The following WASF2 variants were observed in gnomAD, a reference collection of about 807,000 sequenced individuals.
WASF2 encodes actin-binding protein WASF2.
A neutral mutation model predicts 45.0 loss-of-function variants in WASF2; 14 were observed. That is an observed-to-expected ratio of 0.31 (90% CI 0.21 to 0.49). The LOEUF is 0.49. Among genes scored for constraint, WASF2 ranks in the 20% least tolerant of loss-of-function variants. WASF2 has a pLI of 0.99. For synonymous variants in WASF2, 200 were observed against 236.3 expected (o/e 0.85, Z 1.41); for missense variants, 439 against 636.1 (o/e 0.69, Z 3.33).
At chr1:27,481,777 C>G (rs1160111754) in intron 1 of WASF2, among the ~76,000 whole-genome samples, 1 of 152,060 alleles carries the variant, frequency 6.6e-6, no homozygotes, top group African/African-American at 2.4e-5. Context: ...TGGAATTAAT[C>G]TTACAGCTGA....
chr1:27,466,933 G>A (rs1281520663), intron 1 of WASF2, among the ~76,000 whole-genome samples: 1 of 151,938 alleles, frequency 6.6e-6, no homozygotes, highest in Non-Finnish European at 1.5e-5. Flanking sequence ...GACTTTTCAG[G>A]CTGGGGTGCG....
Position 27,408,214 on chromosome 1 carries a change from A to G in WASF2, c.1472T>C (p.Phe491Ser). The stretch of plus-strand genomic sequence containing the variant: ...TTAATCGGACCAGTCGTCCTCATCA[A>G]ATTCAGAGGAGTCATCTTCTGAGTC... ...YSDSEDDSSE[F>S]DEDDWSD Residue 491 changes from phenylalanine (F) to serine (S), a missense_variant, in exon 9 of 9, where the codon TTT becomes TCT. Physicochemically the swap from Phe to Ser is radical, Grantham distance 155. This residue lies in a region of WASF2 where 286 missense variants were observed against 373.5 expected (regional missense o/e 0.77). Transcript: ENST00000618852. 6.2e-7 allele frequency: 1 copy of G among 1,614,100 alleles called. No homozygotes were observed. Among genetic ancestry groups the G allele is most frequent in the Non-Finnish European group, 8.5e-7 (1 of 1,179,954 alleles).
At position 27,408,339 on chromosome 1, in the gene WASF2, C is replaced by T. The variant is rs1347445169; in HGVS notation, c.1347G>A (p.Gln449=). The change falls in exon 9 of 9, where the codon CAG becomes CAA. Residue 449 remains glutamine (Q), a synonymous_variant. Coordinates refer to ENST00000618852, the MANE Select transcript of WASF2 (RefSeq NM_006990.5). ...DLLSAIRQGF[Q]LRRVEEQREQ... The stretch of plus-strand genomic sequence containing the variant: ...CCCGCTGCTCCTCAACCCTGCGCAG[C>T]TGAAAACCTAGTGGCAAAGAGACAG... The T allele has an allele frequency of 6.2e-7, 1 of 1,614,082 alleles. No individual in the cohort carries two copies. The highest frequency in any genetic ancestry group is 8.5e-7 in the Non-Finnish European group (1 of 1,180,032).
At chr1:27,445,847 T>C (rs1392049277) in intron 1 of WASF2, among the ~76,000 whole-genome samples, 1 of 151,978 alleles carries the variant, frequency 6.6e-6, no homozygotes, top group Non-Finnish European at 1.5e-5. Flanking sequence ...GGACTTTTTT[T>C]TTTTTTTTAA....
Position 27,406,035 on chromosome 1 carries a change from G to A in WASF2, c.*2154C>T, listed in dbSNP as rs1441260597. ...TCTAGCTCTCCCTTTTCCGGGCAAG[G>A]AGGATGGGGGTAATTTAGTCAAAGC... is the stretch of plus-strand genomic sequence containing the variant. On this transcript the variant is annotated 3_prime_UTR_variant, in exon 9 of 9. Transcript: ENST00000618852. 6.5e-6 allele frequency: 1 copy of A among 152,686 alleles called. No individual in the cohort carries two copies. Among genetic ancestry groups the A allele is most frequent in the Non-Finnish European group, 1.5e-5 (1 of 68,134 alleles). The allele number at this position is 152,686 out of a possible 1,614,324, so 9.5% of individuals were successfully genotyped here.
intron 1 of WASF2, among the ~76,000 whole-genome samples, chr1:27,456,277 G>A (rs2017465261): frequency 7.2e-6 from 1 of 138,762 alleles, no homozygotes; most frequent in Non-Finnish European, 1.5e-5. Context: ...GGCTGAGACT[G>A]CACCACTGCA....
intron 1 of WASF2, among the ~76,000 whole-genome samples, chr1:27,469,121 CTCTT>C (rs555162844): frequency 1.1e-4 from 16 of 152,140 alleles, no homozygotes; most frequent in African/African-American, 3.1e-4. Flanking sequence ...TAAAAACAGT[CTCTT>C]TATTTTTTAC....
chr1:27,487,235 G>C (rs1029325705), intron 1 of WASF2, among the ~76,000 whole-genome samples: 1 of 145,260 alleles, frequency 6.9e-6, no homozygotes, highest in Non-Finnish European at 1.5e-5. Context: ...CGAGTAGCCG[G>C]GACTACAGGC....
chr1:27,437,914 C>A (rs1340059020), intron 1 of WASF2, among the ~76,000 whole-genome samples: 2 of 152,138 alleles, frequency 1.3e-5, no homozygotes, highest in African/African-American at 4.8e-5. Flanking sequence ...AAGTATCAAA[C>A]CTCAACAAAT....
chr1:27,433,123 A>G (rs943888038), intron 1 of WASF2, among the ~76,000 whole-genome samples: 2 of 152,210 alleles, frequency 1.3e-5, no homozygotes, highest in African/African-American at 4.8e-5. Flanking sequence ...GGTGGAATGC[A>G]ATATTTACAT....
intron 8 of WASF2, among the ~76,000 whole-genome samples, chr1:27,409,428 C>CA (rs60940665): frequency 0.041 from 1,805 of 43,606 alleles, 283 homozygotes; most frequent in Admixed American, 0.059. Context: ...CTGTCCCCCA[C>CA]AAAAAAAAAA....
Position 27,407,241 on chromosome 1 carries a change from G to T in WASF2, c.*948C>A, listed in dbSNP as rs1228405781. 3 of 152,716 alleles carry T rather than the reference G, an allele frequency of 2.0e-5. No homozygotes were observed. The highest frequency in any genetic ancestry group is 2.9e-5 in the Non-Finnish European group (2 of 68,106). 9.5% of individuals were successfully genotyped at this position (152,716 alleles called of 1,614,324 possible). ...GGTGACTTGGAATCAGGAACTCTGC[G>T]CTCTAGCTATGTCACTATCCAATTG... On this transcript the variant is annotated 3_prime_UTR_variant, in exon 9 of 9. Coordinates refer to ENST00000618852, the MANE Select transcript of WASF2 (RefSeq NM_006990.5).
chr1:27,474,547 G>A (rs926305414), intron 1 of WASF2, among the ~76,000 whole-genome samples: 1 of 152,006 alleles, frequency 6.6e-6, no homozygotes, highest in Non-Finnish European at 1.5e-5. Flanking sequence ...TGAGGTGGGC[G>A]GATCACGAGG....
intron 1 of WASF2, among the ~76,000 whole-genome samples, chr1:27,454,183 A>ATT (rs2017433113): frequency 4.7e-4 from 4 of 8,484 alleles, no homozygotes; most frequent in Admixed American, 1.6e-3. Flanking sequence ...ATATATATAT[A>ATT]TATATTTTTT....
chr1:27,487,651 T>TTA (rs1480289698), intron 1 of WASF2, among the ~76,000 whole-genome samples: 1 of 96,766 alleles, frequency 1.0e-5, no homozygotes, highest in Admixed American at 1.6e-4. Context: ...ATATTATATA[T>TTA]TATATAATAT....
chr1:27,450,571 G>C (rs2017371260), intron 1 of WASF2, among the ~76,000 whole-genome samples: 2 of 152,070 alleles, frequency 1.3e-5, no homozygotes, highest in South Asian at 4.1e-4. Flanking sequence ...CACAATCTCA[G>C]CTCATCACAA....
intron 1 of WASF2, among the ~76,000 whole-genome samples, chr1:27,454,482 A>C (rs979412443): frequency 1.3e-5 from 2 of 151,724 alleles, no homozygotes; most frequent in Non-Finnish European, 2.9e-5. Context: ...GACCACAGGC[A>C]GGCACCACCA....
At chr1:27,461,096 A>C (rs1454842001) in intron 1 of WASF2, among the ~76,000 whole-genome samples, 1 of 152,158 alleles carries the variant, frequency 6.6e-6, no homozygotes, top group African/African-American at 2.4e-5. Context: ...CAGGGAGCAG[A>C]GATCACGCCA....
chr1:27,458,624 G>A (rs895101947), intron 1 of WASF2, among the ~76,000 whole-genome samples: 7 of 148,740 alleles, frequency 4.7e-5, no homozygotes, highest in Non-Finnish European at 9.0e-5. Flanking sequence ...GTGAAAAACC[G>A]TCTACTAAAA....
Sources: gnomAD v4.1 joint callset for allele counts (sites outside exome capture counted in the v4.1 genomes callset) on GRCh38, gnomAD v4.1.1 for gene constraint, gnomAD v4.1.1 regional missense constraint, MANE v1.5 for transcripts, NCBI Gene and HGNC (gene_info 2026-07-23, HGNC 2026-07-21) for gene names.